FBXW7: variants seen among roughly 807,000 people sequenced by gnomAD.
FBXW7 encodes F-box and WD repeat domain containing 7, also known as F-box/WD repeat-containing protein 7.
FBXW7 carries 11 observed loss-of-function variants against 86.3 expected under a neutral mutation model. The observed-to-expected ratio is 0.13, with a 90% confidence interval of 0.08 to 0.21. The LOEUF (loss-of-function observed/expected upper bound fraction) is 0.21, where lower values mean the gene tolerates loss of function less well. Ranked by LOEUF, FBXW7 falls within the 10% of genes least tolerant of loss-of-function variation. FBXW7 has a pLI of 1.00. For synonymous variants in FBXW7, 313 were observed against 297.9 expected, an observed-to-expected ratio of 1.05 and a Z score of -0.52; for missense variants, 488 against 847.4, an observed-to-expected ratio of 0.58 and a Z score of 5.27.
intron 2 of FBXW7, among the ~76,000 whole-genome samples, chr4:152,527,233 A>C (rs1408219965): frequency 6.6e-6 from 1 of 152,272 alleles, no homozygotes; most frequent in African/African-American, 2.4e-5. Flanking sequence ...CATGAAGCCA[A>C]GAAATTATTG....
intron 2 of FBXW7, among the ~76,000 whole-genome samples, chr4:152,465,423 CT>C (rs1743315062): frequency 6.6e-6 from 1 of 152,178 alleles, no homozygotes; most frequent in South Asian, 2.1e-4. Context: ...TCAATTATGT[CT>C]TTTCCTTACT....
rs1560768314 is a variant in FBXW7, at chr4:152,332,717, CAACTAAGAAAA to C, written c.862-9_863del. On this transcript the variant is annotated splice_acceptor_variant and splice_polypyrimidine_tract_variant and coding_sequence_variant and intron_variant, in exon 8 of 14. Coordinates refer to ENST00000281708, the MANE Select transcript of FBXW7 (RefSeq NM_001349798.2). LOFTEE classifies it high-confidence loss of function. The stretch of plus-strand genomic sequence containing the variant: ...CCAGGAATGAAAGCACATAGAGTGC[CAACTAAGAAAA>C]AAATGCATAGTATAATACCCATATT... The C allele has an allele frequency of 6.4e-7, 1 of 1,557,362 alleles. No homozygotes were observed. Among genetic ancestry groups the C allele is most frequent in the Admixed American group, 1.8e-5 (1 of 56,952 alleles).
chr4:152,510,827 G>T (rs944718520), intron 2 of FBXW7, among the ~76,000 whole-genome samples: 12 of 152,132 alleles, frequency 7.9e-5, no homozygotes, highest in African/African-American at 2.9e-4. Context: ...TATTTTTTAT[G>T]TAAAGAGTAA....
chr4:152,363,008 T>C (rs1352100228), intron 4 of FBXW7, among the ~76,000 whole-genome samples: 1 of 152,142 alleles, frequency 6.6e-6, no homozygotes, highest in Non-Finnish European at 1.5e-5. Context: ...CAGATTTTGT[T>C]AGACTAAGAT....
intron 4 of FBXW7, among the ~76,000 whole-genome samples, chr4:152,407,407 T>C (rs1176812510): frequency 1.3e-5 from 2 of 152,222 alleles, no homozygotes; most frequent in South Asian, 2.1e-4. Flanking sequence ...TGGACATGTA[T>C]ATACCAAACA....
At chr4:152,354,476 A>C (rs1237443339) in intron 4 of FBXW7, among the ~76,000 whole-genome samples, 2 of 152,140 alleles carry the variant, frequency 1.3e-5, no homozygotes, top group African/African-American at 4.8e-5. Flanking sequence ...CTGAAATTTC[A>C]TCCAGAATTT....
chr4:152,497,633 A>G (rs1253051400), intron 2 of FBXW7, among the ~76,000 whole-genome samples: 1 of 152,176 alleles, frequency 6.6e-6, no homozygotes, highest in African/African-American at 2.4e-5. Flanking sequence ...TCATAGCTAG[A>G]TAAAATTAAA....
chr4:152,355,805 A>G (rs1434998100), intron 4 of FBXW7, among the ~76,000 whole-genome samples: 1 of 151,104 alleles, frequency 6.6e-6, no homozygotes, highest in African/African-American at 2.4e-5. Context: ...AGTAACGAGG[A>G]AAAAAAAACA....
intron 2 of FBXW7, among the ~76,000 whole-genome samples, chr4:152,424,666 G>T (rs943667120): frequency 2.0e-5 from 3 of 152,142 alleles, no homozygotes; most frequent in Non-Finnish European, 4.4e-5. Context: ...CTAGAGTTTT[G>T]TAACTAGCAA....
chr4:152,340,513 T>G (rs1005931769), intron 6 of FBXW7, among the ~76,000 whole-genome samples: 4 of 148,652 alleles, frequency 2.7e-5, no homozygotes, highest in Non-Finnish European at 4.4e-5. Context: ...CGGGAGGAGC[T>G]TGCAGTGAGC....
At chr4:152,503,995 T>C (rs1158825088) in intron 2 of FBXW7, among the ~76,000 whole-genome samples, 2 of 152,208 alleles carry the variant, frequency 1.3e-5, no homozygotes, top group Non-Finnish European at 1.5e-5. Context: ...CTTTGCTCAC[T>C]GGGTATAGTG....
intron 2 of FBXW7, among the ~76,000 whole-genome samples, chr4:152,422,416 A>G (rs1483131598): frequency 6.6e-6 from 1 of 152,218 alleles, no homozygotes; most frequent in African/African-American, 2.4e-5. Flanking sequence ...TAGAATCATT[A>G]AGACAGACAT....
At chr4:152,535,083 C>G (rs1750394713) in intron 1 of FBXW7, 44 bp downstream of exon 1, 3 of 153,084 alleles carry the variant, frequency 2.0e-5, no homozygotes, top group Admixed American at 2.0e-4. Flanking sequence ...CAACCCGGGT[C>G]TCTTCCGCGC....
rs541587441 is a variant in FBXW7, at chr4:152,520,193, G to A, written c.-120+14748C>T. ...TCACGCCTGTAATCCCAGCACTTTGGGAGGCCGAGGCGGGTGGATCATGAG... is the reference window on the plus strand; with the variant it reads ...TCACGCCTGTAATCCCAGCACTTTGAGAGGCCGAGGCGGGTGGATCATGAG... On this transcript the variant is annotated intron_variant, in intron 2 of 13. Coordinates refer to ENST00000281708, the MANE Select transcript of FBXW7 (RefSeq NM_001349798.2). 9.2e-5 allele frequency among the ~76,000 whole-genome samples: 14 copies of A among 152,086 alleles called. No individual in the cohort carries two copies. In the East Asian group the frequency reaches 2.7e-3, roughly 29 times the overall value.
intron 6 of FBXW7, among the ~76,000 whole-genome samples, chr4:152,340,029 TAAAC>T (rs1357445213): frequency 6.6e-6 from 1 of 151,666 alleles, no homozygotes; most frequent in Non-Finnish European, 1.5e-5. Context: ...GAACAGATGA[TAAAC>T]AACTAATTCA....
At chr4:152,409,857 C>G (rs1230898474) in intron 4 of FBXW7, among the ~76,000 whole-genome samples, 1 of 151,878 alleles carries the variant, frequency 6.6e-6, no homozygotes, top group Non-Finnish European at 1.5e-5. Flanking sequence ...GTTATATGTA[C>G]AGGACAATAA....
intron 7 of FBXW7, 60 bp downstream of exon 7, chr4:152,337,742 T>C (rs1166116414): frequency 6.7e-7 from 1 of 1,503,580 alleles, no homozygotes; most frequent in Admixed American, 2.0e-5. Context: ...TTAAAGGTGG[T>C]AGCTGTTGAG....
intron 4 of FBXW7, among the ~76,000 whole-genome samples, chr4:152,398,376 A>C (rs2126831931): frequency 6.6e-6 from 1 of 152,070 alleles, no homozygotes; most frequent in South Asian, 2.1e-4. Flanking sequence ...ATGTATGCTA[A>C]ACATACTAAT....
In FBXW7 at chr4:152,384,533, A is replaced by G. The variant is rs557339619; in HGVS notation, c.501+26770T>C. ...TCTGAGACAGGGAGAGGGGGAAATG[A>G]GAGTTAGTGTTTAGTTGGCACAGAG... On this transcript the variant is annotated intron_variant, in intron 4 of 13. Coordinates refer to ENST00000281708, the MANE Select transcript of FBXW7 (RefSeq NM_001349798.2). Among the ~76,000 whole-genome samples, 139 of 152,152 alleles carry G rather than the reference A, an allele frequency of 9.1e-4. 1 individual carries two copies. Among genetic ancestry groups the G allele is most frequent in the African/African-American group, 3.3e-3 (136 of 41,552 alleles).
Sources: gnomAD v4.1 joint callset for allele counts (sites outside exome capture counted in the v4.1 genomes callset) on GRCh38, gnomAD v4.1.1 for gene constraint, MANE v1.5 for transcripts, NCBI Gene and HGNC (gene_info 2026-07-23, HGNC 2026-07-21) for gene names.